The following PCDHGA8 variants were observed in gnomAD, a reference collection of about 807,000 sequenced individuals.
PCDHGA8 encodes the protein protocadherin gamma subfamily A, 8.
PCDHGA8 carries 45 observed loss-of-function variants against 59.2 expected under a neutral mutation model. That is an observed-to-expected ratio of 0.76 (90% CI 0.60 to 0.98). The LOEUF (loss-of-function observed/expected upper bound fraction) is 0.98, where lower values mean the gene tolerates loss of function less well. PCDHGA8 is among the 50% of genes least tolerant of loss of function. PCDHGA8 has a pLI of 0.00. For synonymous variants in PCDHGA8, 531 were observed against 519.0 expected (o/e 1.02, Z -0.32); for missense variants, 1,257 against 1,196.2 (o/e 1.05, Z -0.75).
In PCDHGA8 at chr5:141,432,112, C is replaced by T; in HGVS notation, c.2424+36875C>T. ...CAGACACCAACGACAACCCGCCGGT[C>T]TTCCCTCAGGCCTCCTATTCCGCTT... On this transcript the variant is annotated intron_variant, in intron 1 of 3. Transcript: ENST00000398604. The surrounding 1 kb of genome is among the most constrained non-coding windows in gnomAD (Gnocchi z 6.0). 1 of 1,614,186 alleles carries T rather than the reference C, an allele frequency of 6.2e-7. No individual in the cohort carries two copies. The highest frequency in any genetic ancestry group is 8.5e-7 in the Non-Finnish European group (1 of 1,180,042).
Position 141,507,906 on chromosome 5 carries a change from G to A in PCDHGA8, c.2572+2425G>A, listed in dbSNP as rs2099864753. ...AGAGAGGTTCCTGAAGTCCAGCCCA[G>A]CCAGGCCTGTGGGGCTGCTGAGAGG... On this transcript the variant is annotated intron_variant, in intron 3 of 3. Coordinates refer to ENST00000398604, the MANE Select transcript of PCDHGA8 (RefSeq NM_032088.2). Among the ~76,000 whole-genome samples, 4 of 152,216 alleles carry A rather than the reference G, an allele frequency of 2.6e-5. No homozygotes were observed. The South Asian group carries it at 8.3e-4, about 32-fold the overall frequency.
chr5:141,430,926 C>T, intron 1 of PCDHGA8: 1 of 1,607,426 alleles, frequency 6.2e-7, no homozygotes, highest in Non-Finnish European at 8.5e-7. Flanking sequence ...GGGCTGGAGC[C>T]CCGGGAGCTC....
rs375436846 is a variant in PCDHGA8, at chr5:141,399,581, A to T, written c.2424+4344A>T. ...TTGGGGTTGAACGGCCAAGTCTCCT[A>T]CTCTATCATGGCCAGCGACCTAGAG... is the stretch of plus-strand genomic sequence containing the variant. On this transcript the variant is annotated intron_variant, in intron 1 of 3. Coordinates refer to ENST00000398604, the MANE Select transcript of PCDHGA8 (RefSeq NM_032088.2). 9.9e-6 allele frequency: 16 copies of T among 1,613,788 alleles called. No homozygotes were observed. The African/African-American group carries it at 1.9e-4, about 19-fold the overall frequency.
chr5:141,465,893 C>A (rs926928579), intron 1 of PCDHGA8, among the ~76,000 whole-genome samples: 1 of 151,962 alleles, frequency 6.6e-6, no homozygotes, highest in Non-Finnish European at 1.5e-5. Context: ...GAGGCCGAGG[C>A]GGGCAAATCA....
At chr5:141,445,020 C>T (rs2098454249) in intron 1 of PCDHGA8, among the ~76,000 whole-genome samples, 1 of 152,130 alleles carries the variant, frequency 6.6e-6, no homozygotes, top group Non-Finnish European at 1.5e-5. Flanking sequence ...TTTAATTTCT[C>T]TCAGCTATGT....
At chr5:141,451,198 C>T (rs1415589731) in intron 1 of PCDHGA8, among the ~76,000 whole-genome samples, 1 of 152,114 alleles carries the variant, frequency 6.6e-6, no homozygotes, top group Non-Finnish European at 1.5e-5. Context: ...AACAAATTAT[C>T]CCAAAACTTA....
chr5:141,493,338 A>G lies in PCDHGA8; in HGVS notation c.2425-1469A>G, dbSNP rs773870729. Among the ~76,000 whole-genome samples the G allele has an allele frequency of 6.6e-6, 1 of 152,162 alleles. No individual in the cohort carries two copies. The highest frequency in any genetic ancestry group is 1.5e-5 in the Non-Finnish European group (1 of 68,028). On this transcript the variant is annotated intron_variant, in intron 1 of 3. Transcript: ENST00000398604. This position sits in a 1 kb window ranked among gnomAD's most constrained non-coding sequence, Gnocchi z 4.3. ...GATTCTAACCCCTGTCTAACTCCAG[A>G]ATGTGTGCTTTTAATTTCTTGGCAC...
Position 141,432,617 on chromosome 5 carries a change from G to A in PCDHGA8, c.2424+37380G>A. The A allele has an allele frequency of 6.2e-7, 1 of 1,613,694 alleles. No individual in the cohort carries two copies. Among genetic ancestry groups the A allele is most frequent in the South Asian group, 1.1e-5 (1 of 91,044 alleles). On this transcript the variant is annotated intron_variant, in intron 1 of 3. Coordinates refer to ENST00000398604, the MANE Select transcript of PCDHGA8 (RefSeq NM_032088.2). This position sits in a 1 kb window ranked among gnomAD's most constrained non-coding sequence, Gnocchi z 6.0. ...CAGCGAGCCGGGACTCTTCTCGGTGGGTCTGCACACGGGCGAGGTGCGCAC... is the reference window on the plus strand; with the variant it reads ...CAGCGAGCCGGGACTCTTCTCGGTGAGTCTGCACACGGGCGAGGTGCGCAC...
chr5:141,511,695 C>A lies in PCDHGA8; in HGVS notation c.*522C>A, dbSNP rs1009832192. The A allele has an allele frequency of 9.7e-5, 19 of 195,544 alleles. No individual in the cohort carries two copies. The highest frequency in any genetic ancestry group is 1.7e-4 in the Non-Finnish European group (16 of 92,634). 12.1% of individuals were successfully genotyped at this position (195,544 alleles called of 1,614,324 possible). A position where few individuals can be genotyped will look rare whatever the true frequency, so the allele number is the denominator to read the frequency against. On this transcript the variant is annotated 3_prime_UTR_variant, in exon 4 of 4. Transcript: ENST00000398604. ...CTTCCCCCAAAGCATGGTTTGGTGC[C>A]AGCCCCTTCACCTCCTTCCAGAGCC...
chr5:141,401,083 C>T (rs2094110284), intron 1 of PCDHGA8, among the ~76,000 whole-genome samples: 1 of 152,176 alleles, frequency 6.6e-6, no homozygotes, highest in Admixed American at 6.5e-5. Context: ...GTGGCTCATG[C>T]CTGTAATCCC....
chr5:141,394,681 C>G lies in PCDHGA8; in HGVS notation c.1868C>G (p.Thr623Arg). The G allele has an allele frequency of 1.2e-6, 2 of 1,612,998 alleles. No individual in the cohort carries two copies. The highest frequency in any genetic ancestry group is 1.7e-6 in the Non-Finnish European group (2 of 1,179,836). ...EPGLFSVGLH[T>R]GEVRTARALL... Reference sequence around the variant, plus strand: ...GGACTCTTCTCGGTGGGTCTGCACACGGGCGAGGTGCGCACGGCGCGAGCC... The same window carrying G: ...GGACTCTTCTCGGTGGGTCTGCACAGGGGCGAGGTGCGCACGGCGCGAGCC... The change falls in exon 1 of 4, where the codon ACG (threonine) becomes AGG (arginine). Residue 623 changes from threonine (T) to arginine (R), a missense_variant. Physicochemically the swap from Thr to Arg is moderately conservative, Grantham distance 71 (BLOSUM62 -1). Coordinates refer to ENST00000398604, the MANE Select transcript of PCDHGA8 (RefSeq NM_032088.2).
At chr5:141,466,993 T>G (rs2099133598) in intron 1 of PCDHGA8, among the ~76,000 whole-genome samples, 1 of 152,148 alleles carries the variant, frequency 6.6e-6, no homozygotes, top group African/African-American at 2.4e-5. Context: ...CCTTTTGGCA[T>G]TTTTTTGCAA....
intron 3 of PCDHGA8, among the ~76,000 whole-genome samples, chr5:141,510,741 C>A (rs11953770): frequency 1.3e-5 from 2 of 152,138 alleles, no homozygotes; most frequent in Non-Finnish European, 1.5e-5. Context: ...GGAATCAAAC[C>A]TAGACTTTCT....
intron 1 of PCDHGA8, chr5:141,478,873 T>C: frequency 7.8e-7 from 1 of 1,274,424 alleles, no homozygotes; most frequent in African/African-American, 1.5e-5. Context: ...GATCAGAGTT[T>C]AGCTTGGTAT....
chr5:141,400,044 G>C lies in PCDHGA8; in HGVS notation c.2424+4807G>C, dbSNP rs745775469. 4 of 1,613,556 alleles carry C rather than the reference G, an allele frequency of 2.5e-6. No homozygotes were observed. In the South Asian group the frequency reaches 4.4e-5, roughly 18 times the overall value. On this transcript the variant is annotated intron_variant, in intron 1 of 3. Coordinates refer to ENST00000398604, the MANE Select transcript of PCDHGA8 (RefSeq NM_032088.2). ...GGGACGCGGCCCGCCAGCGCCTGCT[G>C]GTTGCTGTGCGTGATGGTGGACAGC...
At position 141,394,369 on chromosome 5, in the gene PCDHGA8, C is replaced by T. The variant is rs183754735; in HGVS notation, c.1556C>T (p.Ser519Phe). Residue 519 changes from serine to phenylalanine, a missense_variant, in exon 1 of 4, where the codon TCT (serine) becomes TTT (phenylalanine). Transcript: ENST00000398604. Reference sequence around the variant, plus strand: ...ACCGGTGTCCTGTATGCGCTGCAATCTTTCGACTATGAGCAGATCCGAGAC... The same window carrying T: ...ACCGGTGTCCTGTATGCGCTGCAATTTTTCGACTATGAGCAGATCCGAGAC... Reference protein sequence around the residue: ...SDTGVLYALQSFDYEQIRDLQ... With the variant: ...SDTGVLYALQFFDYEQIRDLQ... 3.7e-5 allele frequency: 59 copies of T among 1,614,206 alleles called. No homozygotes were observed. Among genetic ancestry groups the T allele is most frequent in the Middle Eastern group, 1.6e-4 (1 of 6,062 alleles).
chr5:141,405,165 C>T (rs745998723), intron 1 of PCDHGA8: 1 of 1,614,096 alleles, frequency 6.2e-7, no homozygotes, highest in Admixed American at 1.7e-5. Flanking sequence ...GTGCCCACCT[C>T]ACACTTTGTG....
intron 1 of PCDHGA8, chr5:141,433,087 A>G (rs769187557): frequency 6.2e-7 from 1 of 1,614,206 alleles, no homozygotes. Context: ...CCAACTATGC[A>G]GACATGCTCG....
chr5:141,458,597 T>C (rs940896214), intron 1 of PCDHGA8, among the ~76,000 whole-genome samples: 18 of 151,988 alleles, frequency 1.2e-4, no homozygotes, highest in Non-Finnish European at 2.4e-4. Context: ...TGGAGACGAG[T>C]CTCACTCTGT....
Sources: gnomAD v4.1 joint callset for allele counts (sites outside exome capture counted in the v4.1 genomes callset) on GRCh38, gnomAD v4.1.1 for gene constraint, Gnocchi (gnomAD v3.1) non-coding constraint, MANE v1.5 for transcripts, NCBI Gene and HGNC (gene_info 2026-07-23, HGNC 2026-07-21) for gene names.